The following JMJD1C variants were observed in gnomAD, a reference collection of about 807,000 sequenced individuals.
JMJD1C encodes the protein jumonji domain containing 1C, also known as jumonji domain-containing protein 1C.
Under a neutral mutation model 245.3 loss-of-function variants are expected in JMJD1C, and 31 were observed. That is an observed-to-expected ratio of 0.13 (90% CI 0.09 to 0.17). The LOEUF (loss-of-function observed/expected upper bound fraction) is 0.17, where lower values mean the gene tolerates loss of function less well. Among genes scored for constraint, JMJD1C ranks in the 10% least tolerant of loss-of-function variants. The pLI is 1.00. For synonymous variants in JMJD1C, 1,057 were observed against 1,017.4 expected (o/e 1.04, Z -0.74); for missense variants, 2,691 against 3,000.2 (o/e 0.90, Z 2.41).
chr10:63,493,882 A>C (rs940764606), intron 1 of JMJD1C, among the ~76,000 whole-genome samples: 1 of 152,202 alleles, frequency 6.6e-6, no homozygotes, highest in African/African-American at 2.4e-5. Flanking sequence ...TCCAATCCAG[A>C]TCTCTGATCA....
chr10:63,352,711 A>G (rs1589557831), intron 2 of JMJD1C, among the ~76,000 whole-genome samples: 1 of 152,226 alleles, frequency 6.6e-6, no homozygotes, highest in East Asian at 1.9e-4. Context: ...CAAAGCAATA[A>G]AACAGTAAAA....
At chr10:63,217,581 G>A (rs2133252304) in intron 4 of JMJD1C, 1 of 261,722 alleles carries the variant, frequency 3.8e-6, no homozygotes. Flanking sequence ...AGGTTTCTAG[G>A]ATCACGAGTT....
chr10:63,414,931 C>T (rs566141838), intron 1 of JMJD1C, among the ~76,000 whole-genome samples: 48 of 129,216 alleles, frequency 3.7e-4, no homozygotes, highest in Admixed American at 6.8e-4. Flanking sequence ...ATTATTCCAA[C>T]ACTAGAGAAA....
intron 2 of JMJD1C, among the ~76,000 whole-genome samples, chr10:63,305,149 A>C (rs1937846916): frequency 6.6e-6 from 1 of 151,958 alleles, no homozygotes; most frequent in Admixed American, 6.6e-5. Flanking sequence ...CGGGCGGATC[A>C]CAAGGTCAGG....
chr10:63,332,035 C>T (rs999222444), intron 2 of JMJD1C, among the ~76,000 whole-genome samples: 4 of 152,156 alleles, frequency 2.6e-5, no homozygotes, highest in South Asian at 2.1e-4. Context: ...TATTAATATG[C>T]GTATCTTAAA....
chr10:63,214,294 A>C lies in JMJD1C; in HGVS notation c.1873T>G (p.Ser625Ala). The C allele has an allele frequency of 6.2e-7, 1 of 1,614,038 alleles. No homozygotes were observed. Among genetic ancestry groups the C allele is most frequent in the Non-Finnish European group, 8.5e-7 (1 of 1,179,970 alleles). ...KRSPPPETIKSKLNTSVDTHK... is the reference protein window; with the variant it reads ...KRSPPPETIKAKLNTSVDTHK... ...GTATCTACTGAAGTATTAAGTTTAG[A>C]TTTTATAGTCTCTGGAGGTGGACTT... Residue 625 changes from serine (S) to alanine (A), a missense_variant, in exon 8 of 26, where the codon TCT (serine) becomes GCT (alanine). Physicochemically the swap from Ser to Ala is moderately conservative, Grantham distance 99. Transcript: ENST00000399262.
chr10:63,188,849 T>A (rs1844436607), intron 18 of JMJD1C, among the ~76,000 whole-genome samples: 2 of 152,196 alleles, frequency 1.3e-5, no homozygotes, highest in Non-Finnish European at 2.9e-5. Context: ...CTAACTGGAC[T>A]AAAATACCAA....
chr10:63,223,018 T>C (rs945450498), intron 3 of JMJD1C: 3 of 1,335,370 alleles, frequency 2.2e-6, no homozygotes, highest in Non-Finnish European at 3.2e-6. Context: ...TATATAACAA[T>C]ACTATTAAAG....
Position 63,485,089 on chromosome 10 carries a change from AATTT to A in JMJD1C, n.113+36645_113+36648del, listed in dbSNP as rs958885907. On this transcript the variant is annotated intron_variant and non_coding_transcript_variant, in intron 1 of 3. Coordinates refer to the JMJD1C transcript ENST00000633035. ...TAGCCTCATAAAGATTAAAATAAAT[AATTT>A]ATTTATAAATTAAATTATAAATTTA... Among the ~76,000 whole-genome samples the A allele has an allele frequency of 4.0e-5, 6 of 151,520 alleles. No homozygotes were observed. The East Asian group carries it at 7.7e-4, about 19-fold the overall frequency.
At chr10:63,452,359 T>C (rs556962732) in intron 1 of JMJD1C, among the ~76,000 whole-genome samples, 10 of 152,300 alleles carry the variant, frequency 6.6e-5, no homozygotes, top group South Asian at 4.1e-4. Flanking sequence ...TCACTAATCA[T>C]TGGGAAAATT....
intron 1 of JMJD1C, among the ~76,000 whole-genome samples, chr10:63,433,586 CTTTTTTTTTTTT>C (rs539696706): frequency 1.2e-5 from 1 of 86,848 alleles, no homozygotes; most frequent in African/African-American, 3.1e-5. Context: ...CTTTTCTTTT[CTTTTTTTTTTTT>C]TTTTTGAGAC....
chr10:63,514,733 C>T (rs1190758169), intron 1 of JMJD1C, among the ~76,000 whole-genome samples: 3 of 151,766 alleles, frequency 2.0e-5, no homozygotes, highest in Admixed American at 2.0e-4. Context: ...ATGCAACATA[C>T]CTAGGTAACA....
rs978943007 is a variant in JMJD1C, at chr10:63,353,584, C to T, written c.333+26734G>A. ...AGGCTGGAGTGCAGTGGCGTGATCT[C>T]GGCTCACTGCAACCTCTTCCTCCCA... On this transcript the variant is annotated intron_variant, in intron 2 of 25. Coordinates refer to ENST00000399262, the MANE Select transcript of JMJD1C (RefSeq NM_032776.3). Among the ~76,000 whole-genome samples, 7 of 152,128 alleles carry T rather than the reference C, an allele frequency of 4.6e-5. No individual in the cohort carries two copies. In the South Asian group the frequency reaches 6.2e-4, roughly 14 times the overall value.
chr10:63,351,381 C>T (rs554469443), intron 2 of JMJD1C, among the ~76,000 whole-genome samples: 1 of 152,286 alleles, frequency 6.6e-6, no homozygotes, highest in Non-Finnish European at 1.5e-5. Context: ...AGCCACTGCA[C>T]CCAGCCTATA....
At chr10:63,509,479 C>T (rs1954813243) in intron 1 of JMJD1C, among the ~76,000 whole-genome samples, 1 of 152,164 alleles carries the variant, frequency 6.6e-6, no homozygotes, top group South Asian at 2.1e-4. Context: ...TTGTGAATAA[C>T]TGGCTTAAGT....
At chr10:63,402,320 C>G (rs1948916929) in intron 1 of JMJD1C, among the ~76,000 whole-genome samples, 2 of 152,070 alleles carry the variant, frequency 1.3e-5, no homozygotes, top group Non-Finnish European at 2.9e-5. Flanking sequence ...ACGAAGAATA[C>G]TTGTAACATT....
intron 23 of JMJD1C, chr10:63,176,771 G>GT (rs1457137602): frequency 1.9e-5 from 4 of 212,312 alleles, no homozygotes; most frequent in Admixed American, 1.1e-4. Context: ...TGTTTCAAAA[G>GT]TATAGCACAT....
At chr10:63,222,146 T>A in intron 3 of JMJD1C, 1 of 725,798 alleles carries the variant, frequency 1.4e-6, no homozygotes, top group Non-Finnish European at 2.6e-6. Context: ...AGGTCCCCCA[T>A]CTGCAGTCAT....
chr10:63,454,387 A>G (rs992283165), intron 1 of JMJD1C, among the ~76,000 whole-genome samples: 2 of 151,464 alleles, frequency 1.3e-5, no homozygotes, highest in Non-Finnish European at 2.9e-5. Flanking sequence ...CCTCCAGAGT[A>G]GCCGGGATTA....
Sources: allele counts gnomAD v4.1 joint callset (sites outside exome capture counted in the v4.1 genomes callset), GRCh38; gene constraint gnomAD v4.1.1; transcripts MANE v1.5; gene names NCBI Gene and HGNC (gene_info 2026-07-23, HGNC 2026-07-21).